The following BTBD8 variants were observed in gnomAD, a reference collection of about 807,000 sequenced individuals.
The protein encoded by BTBD8 is BTB/POZ domain-containing protein 8.
Under a neutral mutation model 162.9 loss-of-function variants are expected in BTBD8, and 110 were observed. The observed-to-expected ratio is 0.68, with a 90% confidence interval of 0.58 to 0.79. The LOEUF (loss-of-function observed/expected upper bound fraction) is 0.79. Among genes scored for constraint, BTBD8 ranks in the 30% least tolerant of loss-of-function variants. The pLI is 0.00. For missense variants in BTBD8, 1,905 were observed against 2,085.4 expected (o/e 0.91, Z 1.68); for synonymous variants, 667 against 716.1 (o/e 0.93, Z 1.10).
chr1:92,142,388 T>C (rs994928150), intron 7 of BTBD8, among the ~76,000 whole-genome samples: 8 of 152,188 alleles, frequency 5.3e-5, no homozygotes, highest in Admixed American at 2.6e-4. Context: ...ACATTAACTA[T>C]ATCTGTAAAA....
chr1:92,118,567 G>A (rs578158815), intron 4 of BTBD8, among the ~76,000 whole-genome samples: 1 of 151,828 alleles, frequency 6.6e-6, no homozygotes, highest in East Asian at 1.9e-4. Flanking sequence ...CCCATTTCCA[G>A]ACTCTGCTCT....
intron 9 of BTBD8, among the ~76,000 whole-genome samples, chr1:92,153,117 A>G (rs768204361): frequency 3.3e-5 from 4 of 121,382 alleles, no homozygotes; most frequent in Non-Finnish European, 7.0e-5. Context: ...GGTACATGCA[A>G]TATTAATAGT....
intron 6 of BTBD8, 111 bp downstream of exon 6, chr1:92,139,541 T>C (rs1377913386): frequency 1.4e-6 from 2 of 1,403,310 alleles, no homozygotes; most frequent in African/African-American, 1.5e-5. Context: ...TAGTCTATTA[T>C]ACTATATCTT....
chr1:92,123,776 C>CAAAAAA (rs529220915), intron 4 of BTBD8, among the ~76,000 whole-genome samples: 3 of 84,474 alleles, frequency 3.6e-5, no homozygotes, highest in Non-Finnish European at 6.7e-5. Flanking sequence ...GACTCCGTCT[C>CAAAAAA]AAAAAAAAAA....
At position 92,109,376 on chromosome 1, in the gene BTBD8, A is replaced by G. The variant is rs564540132; in HGVS notation, c.662+1375A>G. Among the ~76,000 whole-genome samples the G allele has an allele frequency of 8.1e-4, 123 of 152,126 alleles. 1 individual carries two copies. The highest frequency in any genetic ancestry group is 2.8e-3 in the African/African-American group (118 of 41,524). Reference sequence around the variant, plus strand: ...ATAGAGCCCTATAGCTATTGCTGTCATACAGGGAAGGCAGGACCCTGTGAC... The same window carrying G: ...ATAGAGCCCTATAGCTATTGCTGTCGTACAGGGAAGGCAGGACCCTGTGAC... On this transcript the variant is annotated intron_variant, in intron 4 of 17. Transcript: ENST00000636805.
rs527731793 is a variant in BTBD8 at position 92,090,574 on chromosome 1, A to G, written c.347+1679A>G. Among the ~76,000 whole-genome samples, 232 of 152,272 alleles carry G rather than the reference A, an allele frequency of 1.5e-3. 1 individual carries two copies. Among genetic ancestry groups the G allele is most frequent in the African/African-American group, 5.4e-3 (224 of 41,546 alleles). ...ATATGATTTATAAATATTTTCTCCC[A>G]TTCTCTGGGTTGTCTTTTCACTTTC... On this transcript the variant is annotated intron_variant, in intron 2 of 17. Transcript: ENST00000636805.
At chr1:92,128,321 C>G (rs1649416422) in intron 4 of BTBD8, among the ~76,000 whole-genome samples, 1 of 151,854 alleles carries the variant, frequency 6.6e-6, no homozygotes. Flanking sequence ...CTCTGTCGCC[C>G]AGGCTGGAGT....
intron 1 of BTBD8, among the ~76,000 whole-genome samples, chr1:92,086,248 T>C (rs959090955): frequency 6.6e-6 from 1 of 152,134 alleles, no homozygotes; most frequent in African/African-American, 2.4e-5. Context: ...TGGGCTTATA[T>C]TGTGGTGCGG....
chr1:92,182,670 G>A, intron 17 of BTBD8, 75 bp downstream of exon 17: 2 of 879,506 alleles, frequency 2.3e-6, no homozygotes, highest in Non-Finnish European at 3.2e-6. Flanking sequence ...ATGAAGCCCT[G>A]AATGTTATAT....
chr1:92,172,144 AAAG>A (rs1198500949), intron 13 of BTBD8, among the ~76,000 whole-genome samples: 2 of 152,188 alleles, frequency 1.3e-5, no homozygotes, highest in African/African-American at 2.4e-5. Context: ...GTTTTTGAAA[AAAG>A]CAATTAGTAC....
chr1:92,178,152 GT>G (rs1035002394), intron 15 of BTBD8, among the ~76,000 whole-genome samples, 159 bp from the exon 16 acceptor site: 2 of 151,974 alleles, frequency 1.3e-5, no homozygotes, highest in African/African-American at 4.8e-5. Context: ...TTGATCTACA[GT>G]TTTATAAACT....
intron 1 of BTBD8, among the ~76,000 whole-genome samples, chr1:92,085,536 C>G (rs1648134877): frequency 6.6e-6 from 1 of 152,004 alleles, no homozygotes. Context: ...AGGTGCACAC[C>G]TGTACTCCCA....
chr1:92,151,705 C>A (rs1650050857), intron 9 of BTBD8, among the ~76,000 whole-genome samples: 1 of 152,140 alleles, frequency 6.6e-6, no homozygotes, highest in South Asian at 2.1e-4. Flanking sequence ...TTCCAACCTT[C>A]TCCCCTCCCT....
intron 5 of BTBD8, among the ~76,000 whole-genome samples, chr1:92,130,569 T>TACGC (rs758370068): frequency 1.0e-5 from 1 of 97,308 alleles, no homozygotes; most frequent in Non-Finnish European, 2.6e-5. Flanking sequence ...CACACACACA[T>TACGC]ATACGCACAC....
chr1:92,081,216 T>C (rs1298639103), intron 1 of BTBD8, among the ~76,000 whole-genome samples: 1 of 152,236 alleles, frequency 6.6e-6, no homozygotes, highest in African/African-American at 2.4e-5. Flanking sequence ...GATTGCGACC[T>C]GGATTCCTCT....
intron 2 of BTBD8, among the ~76,000 whole-genome samples, chr1:92,099,728 G>A (rs558854068): frequency 6.6e-6 from 1 of 152,228 alleles, no homozygotes; most frequent in Non-Finnish European, 1.5e-5. Flanking sequence ...TGTTGATCTT[G>A]TAAGCTGCAA....
In BTBD8 at chr1:92,180,617, C is replaced by T; in HGVS notation, c.2934C>T (p.Asn978=). 1 of 1,551,206 alleles carries T rather than the reference C, an allele frequency of 6.4e-7. No individual in the cohort carries two copies. The highest frequency in any genetic ancestry group is 8.7e-7 in the Non-Finnish European group (1 of 1,146,866). Residue 978 remains asparagine (N), a synonymous_variant, in exon 17 of 18, where the codon AAC becomes AAT. Transcript: ENST00000636805. ...TTCATGATGTGCGTGATAATAACAA[C>T]AAGGACAGTGTTTCTGAACAGAAGC... The part of the protein sequence containing the change: ...SMFHDVRDNN[N]KDSVSEQKPH...
At chr1:92,132,394 A>G (rs1272809889) in intron 5 of BTBD8, among the ~76,000 whole-genome samples, 1 of 151,974 alleles carries the variant, frequency 6.6e-6, no homozygotes, top group East Asian at 1.9e-4. Context: ...GCTTTTAAAG[A>G]TGAGGTCTAT....
chr1:92,167,816 T>A, intron 10 of BTBD8, 32 bp from the exon 11 acceptor site: 1 of 1,520,624 alleles, frequency 6.6e-7, no homozygotes, highest in Non-Finnish European at 8.9e-7. Flanking sequence ...TTATATGTAT[T>A]CCTCTTAAAT....
Sources: allele counts gnomAD v4.1 joint callset (sites outside exome capture counted in the v4.1 genomes callset), GRCh38; gene constraint gnomAD v4.1.1; transcripts MANE v1.5; gene names NCBI Gene and HGNC (gene_info 2026-07-23, HGNC 2026-07-21).